Variants in SDK1 observed in about 807,000 individuals in gnomAD.
SDK1 encodes the protein sidekick cell adhesion molecule 1, also known as protein sidekick-1.
A neutral mutation model predicts 245.5 loss-of-function variants in SDK1; 157 were observed. That is an observed-to-expected ratio of 0.64 (90% CI 0.56 to 0.73). SDK1 has a LOEUF of 0.73. Ranked by LOEUF, SDK1 falls within the 30% of genes least tolerant of loss-of-function variation. The pLI is 0.00. For missense variants in SDK1, 3,583 were observed against 3,002.3 expected (o/e 1.19, Z -4.52); for synonymous variants, 1,647 against 1,278.5 (o/e 1.29, Z -6.15).
chr7:3,304,981 A>G lies in SDK1; in HGVS notation c.298+3097A>G, dbSNP rs143548876. Among the ~76,000 whole-genome samples the G allele has an allele frequency of 7.2e-5, 11 of 152,248 alleles. No individual in the cohort carries two copies. The East Asian group carries it at 1.9e-3, about 27-fold the overall frequency. On this transcript the variant is annotated intron_variant, in intron 1 of 44. Transcript: ENST00000404826. ...AGCCAAGTTTGAGAACCACTGCTCTAATGGTTTTACGTGAGGCCACATGGC... is the reference window on the plus strand; with the variant it reads ...AGCCAAGTTTGAGAACCACTGCTCTGATGGTTTTACGTGAGGCCACATGGC...
At chr7:3,728,060 T>A (rs930638233) in intron 4 of SDK1, among the ~76,000 whole-genome samples, 1 of 152,222 alleles carries the variant, frequency 6.6e-6, no homozygotes, top group Non-Finnish European at 1.5e-5. Flanking sequence ...ATGTTTCTGA[T>A]GTTTTTCTCA....
At chr7:3,302,244 G>C (rs914536682) in intron 1 of SDK1, 1 of 152,406 alleles carries the variant, frequency 6.6e-6, no homozygotes, top group Non-Finnish European at 1.5e-5. Context: ...TCTTCGCACC[G>C]CAGGGTCTGG....
chr7:3,803,054 C>T (rs923277268), intron 4 of SDK1, among the ~76,000 whole-genome samples: 1 of 152,138 alleles, frequency 6.6e-6, no homozygotes, highest in East Asian at 1.9e-4. Flanking sequence ...AAAGTATTTT[C>T]CACTGTGGCT....
At chr7:3,883,684 C>T (rs978898348) in intron 5 of SDK1, among the ~76,000 whole-genome samples, 2 of 143,694 alleles carry the variant, frequency 1.4e-5, no homozygotes, top group African/African-American at 2.8e-5. Flanking sequence ...CTCTGGACCT[C>T]GCTCCCTCGC....
At chr7:3,581,590 A>G (rs943115794) in intron 1 of SDK1, among the ~76,000 whole-genome samples, 1 of 152,182 alleles carries the variant, frequency 6.6e-6, no homozygotes, top group African/African-American at 2.4e-5. Flanking sequence ...CAGTGTGGTG[A>G]TTCCTCAAAG....
At chr7:3,355,815 T>TA (rs781490279) in intron 1 of SDK1, among the ~76,000 whole-genome samples, 10 of 152,230 alleles carry the variant, frequency 6.6e-5, no homozygotes, top group Non-Finnish European at 1.2e-4. Flanking sequence ...CCTATATTCT[T>TA]ACCTTCAGAT....
chr7:3,870,702 T>C (rs1279823630), intron 5 of SDK1, among the ~76,000 whole-genome samples: 1 of 152,198 alleles, frequency 6.6e-6, no homozygotes, highest in African/African-American at 2.4e-5. Context: ...CCATAATAAA[T>C]TTATCAAAAT....
intron 4 of SDK1, among the ~76,000 whole-genome samples, chr7:3,787,044 A>G (rs545239623): frequency 2.0e-5 from 3 of 152,132 alleles, no homozygotes; most frequent in African/African-American, 4.8e-5. Context: ...GGTGGTTGAC[A>G]TAAACATTGT....
intron 5 of SDK1, among the ~76,000 whole-genome samples, chr7:3,880,646 C>A (rs949414410): frequency 6.9e-6 from 1 of 144,350 alleles, no homozygotes; most frequent in Admixed American, 7.2e-5. Flanking sequence ...GGGCTGAGTG[C>A]TGCTGTACCA....
intron 1 of SDK1, among the ~76,000 whole-genome samples, chr7:3,373,566 C>T (rs1781280120): frequency 2.0e-5 from 3 of 151,652 alleles, no homozygotes; most frequent in Admixed American, 1.3e-4. Context: ...TCATTTATGA[C>T]AGTGAAACCC....
chr7:3,895,219 T>G (rs1781571784), intron 5 of SDK1, among the ~76,000 whole-genome samples: 2 of 152,196 alleles, frequency 1.3e-5, no homozygotes, highest in African/African-American at 4.8e-5. Context: ...ATCACTGTAA[T>G]AAATCATTCT....
chr7:3,728,200 A>G (rs1330225103), intron 4 of SDK1, among the ~76,000 whole-genome samples: 1 of 152,236 alleles, frequency 6.6e-6, no homozygotes, highest in African/African-American at 2.4e-5. Flanking sequence ...CCGCTGAGGT[A>G]GTACTTATCA....
rs537059166 is a variant in SDK1, at chr7:3,569,238, A to G, written c.299-49842A>G. ...AAGCGAGAAAAACAAGGAAAAACAGAAGTCGGAATTCAAACGAGAACCAGA... is the reference window on the plus strand; with the variant it reads ...AAGCGAGAAAAACAAGGAAAAACAGGAGTCGGAATTCAAACGAGAACCAGA... On this transcript the variant is annotated intron_variant, in intron 1 of 44. Transcript: ENST00000404826. Among the ~76,000 whole-genome samples the G allele has an allele frequency of 2.6e-5, 4 of 152,142 alleles. No homozygotes were observed. The South Asian group carries it at 8.3e-4, about 32-fold the overall frequency.
chr7:4,003,899 T>C (rs1785263437), intron 14 of SDK1, among the ~76,000 whole-genome samples: 1 of 152,200 alleles, frequency 6.6e-6, no homozygotes, highest in South Asian at 2.1e-4. Context: ...CGGGCATTGC[T>C]CCAAGACAAG....
chr7:3,819,996 A>G (rs2115058391), intron 4 of SDK1, among the ~76,000 whole-genome samples: 1 of 152,290 alleles, frequency 6.6e-6, no homozygotes, highest in Non-Finnish European at 1.5e-5. Flanking sequence ...GAGTACCACA[A>G]TTGTGGTGGG....
intron 4 of SDK1, among the ~76,000 whole-genome samples, chr7:3,664,411 G>A (rs1373279089): frequency 2.0e-5 from 3 of 152,138 alleles, no homozygotes; most frequent in South Asian, 4.2e-4. Flanking sequence ...TTTTCTTCTG[G>A]AATATTACAG....
intron 1 of SDK1, among the ~76,000 whole-genome samples, chr7:3,407,428 A>T (rs920044511): frequency 3.9e-5 from 6 of 152,200 alleles, no homozygotes; most frequent in Non-Finnish European, 7.3e-5. Context: ...TTTTGGTGAC[A>T]GTGCCTTGGT....
At chr7:4,196,101 G>A (rs1049641663) in intron 35 of SDK1, among the ~76,000 whole-genome samples, 1 of 152,172 alleles carries the variant, frequency 6.6e-6, no homozygotes, top group Non-Finnish European at 1.5e-5. Flanking sequence ...GAGAAGCAGC[G>A]TGGACCTTAG....
intron 4 of SDK1, among the ~76,000 whole-genome samples, chr7:3,790,621 A>G (rs1781051144): frequency 6.6e-6 from 1 of 152,210 alleles, no homozygotes; most frequent in Non-Finnish European, 1.5e-5. Context: ...AACCCTGACC[A>G]ACATGGTGAA....
Sources: allele counts gnomAD v4.1 joint callset (sites outside exome capture counted in the v4.1 genomes callset), GRCh38; gene constraint gnomAD v4.1.1; transcripts MANE v1.5; gene names NCBI Gene and HGNC (gene_info 2026-07-23, HGNC 2026-07-21).